The following SLC12A3 variants were observed in gnomAD, a reference collection of about 807,000 sequenced individuals.
SLC12A3 encodes the protein Na-Cl cotransporter.
SLC12A3 carries 104 observed loss-of-function variants against 121.0 expected under a neutral mutation model. That is an observed-to-expected ratio of 0.86 (90% CI 0.73 to 1.01). The LOEUF is 1.01. SLC12A3 is among the 50% of genes least tolerant of loss of function. The probability of loss-of-function intolerance (pLI) is 0.00; values close to 1 mark genes in which losing one functional copy is unlikely to be tolerated. For synonymous variants in SLC12A3, 536 were observed against 533.4 expected, an observed-to-expected ratio of 1.00 and a Z score of -0.07; for missense variants, 1,328 against 1,356.3, an observed-to-expected ratio of 0.98 and a Z score of 0.33.
chr16:56,904,125 C>A (rs984180040), intron 24 of SLC12A3: 9 of 414,178 alleles, frequency 2.2e-5, no homozygotes, highest in Non-Finnish European at 4.1e-5. Flanking sequence ...GTAAGGTGTT[C>A]TCTCTTCCCT....
chr16:56,906,851 A>G (rs1435513413), intron 25 of SLC12A3: 2 of 637,210 alleles, frequency 3.1e-6, no homozygotes, highest in Non-Finnish European at 5.9e-6. Context: ...CAAGAAAGCA[A>G]TGAAAGGAAT....
chr16:56,870,616 C>T lies in SLC12A3; in HGVS notation c.742-10C>T. The T allele has an allele frequency of 6.4e-7, 1 of 1,570,348 alleles. No individual in the cohort carries two copies. Among genetic ancestry groups the T allele is most frequent in the South Asian group, 1.1e-5 (1 of 90,214 alleles). The stretch of plus-strand genomic sequence containing the variant: ...GGTGGCTTGCAGCCTGGCCCATTTT[C>T]CCTCCCCAGGAGTATGGGGCACCCA... On this transcript the variant is annotated splice_polypyrimidine_tract_variant and intron_variant, in intron 5 of 25. Coordinates refer to ENST00000563236, the MANE Select transcript of SLC12A3 (RefSeq NM_001126108.2).
At chr16:56,895,648 G>T (rs1233829631) in intron 22 of SLC12A3, among the ~76,000 whole-genome samples, 1 of 151,992 alleles carries the variant, frequency 6.6e-6, no homozygotes, top group Non-Finnish European at 1.5e-5. Flanking sequence ...AACCTTTTTG[G>T]CACCAGGGAC....
At chr16:56,898,654 G>A (rs542980270) in intron 22 of SLC12A3, among the ~76,000 whole-genome samples, 4 of 151,888 alleles carry the variant, frequency 2.6e-5, no homozygotes, top group Admixed American at 6.6e-5. Context: ...CTCTTTCACC[G>A]TCCAGCCAGA....
At chr16:56,895,192 AT>A (rs34438029) in intron 22 of SLC12A3, among the ~76,000 whole-genome samples, 15,268 of 126,520 alleles carry the variant, frequency 0.12, 852 homozygotes, top group Non-Finnish European at 0.14. Context: ...ATATATTTTA[AT>A]TTTTTTTTTT....
At position 56,894,598 on chromosome 16, in the gene SLC12A3, G is replaced by A; in HGVS notation, c.2589G>A (p.Val863=). ...GGTGGAGCAAATGCAAGATCCGTGT[G>A]TTCGTAGGCGGCCAGATTAACAGGA... ...KRRWSKCKIR[V]FVGGQINRMD... The change falls in exon 22 of 26, where the codon GTG becomes GTA. Residue 863 remains valine (V), a synonymous_variant. Transcript: ENST00000563236. 1 of 1,614,148 alleles carries A rather than the reference G, an allele frequency of 6.2e-7. No individual in the cohort carries two copies. Among genetic ancestry groups the A allele is most frequent in the African/African-American group, 1.3e-5 (1 of 75,046 alleles).
intron 25 of SLC12A3, among the ~76,000 whole-genome samples, chr16:56,910,462 G>A (rs1245741660): frequency 1.3e-5 from 2 of 151,980 alleles, no homozygotes; most frequent in African/African-American, 2.4e-5. Flanking sequence ...TCAGCCTCCC[G>A]AGTAGCTGGG....
intron 4 of SLC12A3, 57 bp downstream of exon 4, chr16:56,869,881 A>C: frequency 6.6e-7 from 1 of 1,512,946 alleles, no homozygotes; most frequent in Non-Finnish European, 9.2e-7. Context: ...AATCCTGGGA[A>C]CAGGACTCCC....
At chr16:56,904,007 G>C (rs1180156395) in intron 24 of SLC12A3, among the ~76,000 whole-genome samples, 5 of 152,194 alleles carry the variant, frequency 3.3e-5, no homozygotes, top group Non-Finnish European at 5.9e-5. Flanking sequence ...CCCTGGAGAA[G>C]GTATCATCAT....
chr16:56,893,411 A>T lies in SLC12A3; in HGVS notation c.2521+357A>T, dbSNP rs8055809. On this transcript the variant is annotated intron_variant, in intron 21 of 25. Transcript: ENST00000563236. Reference sequence around the variant, plus strand: ...CTCCCATTAAAAAACAAAAAAAGTGACTTTAAGCTTTATTGCTCCTACCTT... The same window carrying T: ...CTCCCATTAAAAAACAAAAAAAGTGTCTTTAAGCTTTATTGCTCCTACCTT... Among the ~76,000 whole-genome samples, 4,874 of 152,282 alleles carry T rather than the reference A, an allele frequency of 0.032. 111 individuals are homozygous for T. The highest frequency in any genetic ancestry group is 0.06 in the African/African-American group (2,490 of 41,508).
At position 56,901,347 on chromosome 16, in the gene SLC12A3, C is replaced by CTCTTTTTTTTTT. The variant is rs1555502273; in HGVS notation, c.2721-1025_2721-1024insCTTTTTTTTTTT. The stretch of plus-strand genomic sequence containing the variant: ...CAATCAGCCCTACATCTCTCTCTCT[C>CTCTTTTTTTTTT]TTTTTTTTTTTTGAGACAGTCTCAC... On this transcript the variant is annotated intron_variant, in intron 23 of 25. Transcript: ENST00000563236. Among the ~76,000 whole-genome samples the CTCTTTTTTTTTT allele has an allele frequency of 3.2e-3, 416 of 128,846 alleles. 7 individuals are homozygous for CTCTTTTTTTTTT. Among genetic ancestry groups the CTCTTTTTTTTTT allele is most frequent in the African/African-American group, 0.013 (399 of 30,548 alleles). The allele number at this position is 128,846 out of a possible 152,430, so 84.5% of individuals were successfully genotyped here. A position where few individuals can be genotyped will look rare whatever the true frequency, so the allele number is the denominator to read the frequency against.
At chr16:56,902,980 T>C (rs1408352716) in intron 24 of SLC12A3, among the ~76,000 whole-genome samples, 6 of 151,846 alleles carry the variant, frequency 4.0e-5, no homozygotes, top group African/African-American at 1.5e-4. Flanking sequence ...ACCCCATCTC[T>C]ACTAAAAATA....
chr16:56,906,023 G>T (rs992140867), intron 25 of SLC12A3, among the ~76,000 whole-genome samples: 5 of 152,016 alleles, frequency 3.3e-5, no homozygotes, highest in African/African-American at 1.2e-4. Flanking sequence ...AGGAAGATGT[G>T]CTCAGATAGG....
intron 8 of SLC12A3, among the ~76,000 whole-genome samples, chr16:56,874,104 G>A (rs958339161): frequency 3.9e-5 from 6 of 152,180 alleles, no homozygotes; most frequent in Non-Finnish European, 5.9e-5. Context: ...TGGGCCAAAC[G>A]CGTATCTGTT....
intron 24 of SLC12A3, among the ~76,000 whole-genome samples, chr16:56,903,259 G>T (rs2055563628): frequency 2.0e-5 from 3 of 152,128 alleles, no homozygotes; most frequent in Non-Finnish European, 4.4e-5. Context: ...CCCCTTCCTG[G>T]ACAGCACCTT....
intron 3 of SLC12A3, among the ~76,000 whole-genome samples, chr16:56,869,509 G>A (rs779568776): frequency 1.3e-5 from 2 of 152,130 alleles, no homozygotes; most frequent in African/African-American, 2.4e-5. Flanking sequence ...TGTATTTTTA[G>A]TAGAGACGGG....
chr16:56,865,828 G>A (rs1273022796), intron 1 of SLC12A3, among the ~76,000 whole-genome samples: 6 of 152,176 alleles, frequency 3.9e-5, no homozygotes, highest in Non-Finnish European at 5.9e-5. Flanking sequence ...GGCCTGGGAA[G>A]GTTCACCTCA....
chr16:56,894,877 C>T (rs1230337624), intron 22 of SLC12A3, among the ~76,000 whole-genome samples: 1 of 152,094 alleles, frequency 6.6e-6, no homozygotes, highest in African/African-American at 2.4e-5. Context: ...AATGCAGATG[C>T]CCTAGGCTTT....
intron 22 of SLC12A3, among the ~76,000 whole-genome samples, chr16:56,897,574 G>T (rs1337504114): frequency 6.6e-6 from 1 of 152,216 alleles, no homozygotes; most frequent in African/African-American, 2.4e-5. Context: ...GGAAAGTGTT[G>T]CTTGGGAAAA....
Sources: allele counts gnomAD v4.1 joint callset (sites outside exome capture counted in the v4.1 genomes callset), GRCh38; gene constraint gnomAD v4.1.1; transcripts MANE v1.5; gene names NCBI Gene and HGNC (gene_info 2026-07-23, HGNC 2026-07-21).